FYB1: variants seen among roughly 807,000 people sequenced by gnomAD.
The protein encoded by FYB1 is FYN binding protein 1.
FYB1 carries 41 observed loss-of-function variants against 94.1 expected under a neutral mutation model. That is an observed-to-expected ratio of 0.44 (90% confidence interval 0.34 to 0.57). The LOEUF (loss-of-function observed/expected upper bound fraction) is 0.57, where lower values mean the gene tolerates loss of function less well. FYB1 is among the 20% of genes least tolerant of loss of function. The pLI is 0.02. For synonymous variants in FYB1, 367 were observed against 353.2 expected, an observed-to-expected ratio of 1.04 and a Z score of -0.44; for missense variants, 1,050 against 976.8, an observed-to-expected ratio of 1.07 and a Z score of -1.00.
At chr5:39,132,785 A>AGT (rs1310015546) in intron 9 of FYB1, among the ~76,000 whole-genome samples, 1 of 152,204 alleles carries the variant, frequency 6.6e-6, no homozygotes, top group Non-Finnish European at 1.5e-5. Flanking sequence ...AAATTAAGGG[A>AGT]GTGTGCTTTT....
chr5:39,200,300 C>T (rs1389353376), intron 2 of FYB1, among the ~76,000 whole-genome samples: 1 of 152,196 alleles, frequency 6.6e-6, no homozygotes, highest in East Asian at 1.9e-4. Flanking sequence ...TGGCAACTCA[C>T]TGAAAAGCGT....
At chr5:39,222,883 C>G (rs960287974), upstream of FYB1, among the ~76,000 whole-genome samples, 2 of 151,892 alleles carry the variant, frequency 1.3e-5, no homozygotes, top group Admixed American at 6.6e-5. Flanking sequence ...TTTGATTCTC[C>G]CCTTGTCACT....
intron 1 of FYB1, among the ~76,000 whole-genome samples, chr5:39,239,120 G>C (rs1751096162): frequency 6.6e-6 from 1 of 152,098 alleles, no homozygotes; most frequent in Non-Finnish European, 1.5e-5. Flanking sequence ...ATCCCTTCAT[G>C]TTAAAAACCT....
intron 9 of FYB1, 77 bp from the exon 10 acceptor site, chr5:39,130,689 T>C: frequency 8.9e-7 from 1 of 1,118,096 alleles, no homozygotes; most frequent in Non-Finnish European, 1.3e-6. Flanking sequence ...ATATCCTGAT[T>C]AGTTATTCAA....
intron 9 of FYB1, among the ~76,000 whole-genome samples, chr5:39,130,981 A>G (rs1741152798): frequency 6.6e-6 from 1 of 152,212 alleles, no homozygotes; most frequent in African/African-American, 2.4e-5. Flanking sequence ...CATAAGTCAC[A>G]TAGAGCAATT....
At chr5:39,203,654 G>T (rs148043315) in intron 1 of FYB1, among the ~76,000 whole-genome samples, 1 of 152,136 alleles carries the variant, frequency 6.6e-6, no homozygotes, top group East Asian at 1.9e-4. Flanking sequence ...ACTAGCAGGC[G>T]ATTGTACTCA....
chr5:39,210,845 T>G (rs533848971), intron 1 of FYB1, among the ~76,000 whole-genome samples: 1 of 152,330 alleles, frequency 6.6e-6, no homozygotes, highest in East Asian at 1.9e-4. Flanking sequence ...AGCCTGTCTC[T>G]AGTATAAATA....
At chr5:39,253,419 C>A (rs1426366663) in intron 1 of FYB1, among the ~76,000 whole-genome samples, 2 of 152,106 alleles carry the variant, frequency 1.3e-5, no homozygotes, top group African/African-American at 4.8e-5. Flanking sequence ...AGAGACTGAA[C>A]CTATGACTCA....
In FYB1 at chr5:39,122,358, G is replaced by T; in HGVS notation, c.2116C>A (p.Pro706Thr). The stretch of plus-strand genomic sequence containing the variant: ...TACCTCATCTCTGCTGATGAAACAG[G>T]GAAATCAGAGGTATCCACATCATCG... ...VYDDVDTSDF[P>T]VSSAEMSQGT... The change falls in exon 14 of 19, where the codon CCT (proline) becomes ACT (threonine). Residue 706 changes from proline to threonine, a missense_variant. Pro to Thr is a conservative substitution (Grantham distance 38). Coordinates refer to ENST00000512982, the MANE Select transcript of FYB1 (RefSeq NM_001465.6). 6.3e-7 allele frequency: 1 copy of T among 1,577,392 alleles called. No individual in the cohort carries two copies. Among genetic ancestry groups the T allele is most frequent in the East Asian group, 2.3e-5 (1 of 43,970 alleles).
intron 17 of FYB1, among the ~76,000 whole-genome samples, chr5:39,108,838 ATAATAG>A: frequency 6.6e-6 from 1 of 152,114 alleles, no homozygotes; most frequent in African/African-American, 2.4e-5. Context: ...GGCAGCATCC[ATAATAG>A]TAATTTTGGT....
intron 1 of FYB1, among the ~76,000 whole-genome samples, chr5:39,260,565 TAA>T (rs1281384195): frequency 6.6e-6 from 1 of 152,168 alleles, no homozygotes; most frequent in East Asian, 1.9e-4. Context: ...GTGACAATTT[TAA>T]ATACAAGGAA....
chr5:39,162,805 A>C (rs1300087161), intron 2 of FYB1, among the ~76,000 whole-genome samples: 3 of 152,110 alleles, frequency 2.0e-5, no homozygotes, highest in African/African-American at 7.2e-5. Context: ...TGGTCTTAAT[A>C]ATCCTGATAG....
chr5:39,208,778 G>A (rs2150517222), intron 1 of FYB1: 1 of 152,220 alleles, frequency 6.6e-6, no homozygotes, highest in East Asian at 1.9e-4. Flanking sequence ...CTCAAACTTA[G>A]GACCTGCTCT....
chr5:39,271,621 A>T (rs1752666291), intron 1 of FYB1, among the ~76,000 whole-genome samples: 1 of 152,186 alleles, frequency 6.6e-6, no homozygotes, highest in Non-Finnish European at 1.5e-5. Flanking sequence ...TCCTTTTTCA[A>T]AAAAGATGTT....
rs866013407 is a variant in FYB1 at position 39,119,582 on chromosome 5, G to A, written c.2191C>T (p.Leu731=). 7.8e-6 allele frequency: 12 copies of A among 1,547,972 alleles called. No homozygotes were observed. Among genetic ancestry groups the A allele is most frequent in the Non-Finnish European group, 1.0e-5 (12 of 1,145,300 alleles). The change falls in exon 15 of 19, where the codon CTA becomes TTA. Residue 731 remains leucine (L), a synonymous_variant. Coordinates refer to ENST00000512982, the MANE Select transcript of FYB1 (RefSeq NM_001465.6). ...AKTEEKDLKK[L]KKQEKEEKDF... ...TTTTCTTCTTTTTCCTGCTTTTTTAGCTTCTTAAGGTCCTTTTCTTCTGTC... is the reference window on the plus strand; with the variant it reads ...TTTTCTTCTTTTTCCTGCTTTTTTAACTTCTTAAGGTCCTTTTCTTCTGTC...
At chr5:39,156,415 G>T (rs947621632) in intron 2 of FYB1, among the ~76,000 whole-genome samples, 2 of 152,182 alleles carry the variant, frequency 1.3e-5, no homozygotes, top group Non-Finnish European at 2.9e-5. Context: ...AGTAGGGCTC[G>T]CCTGAGAGTG....
intron 16 of FYB1, among the ~76,000 whole-genome samples, chr5:39,114,059 TA>T (rs955009569): frequency 1.4e-4 from 21 of 151,194 alleles, no homozygotes; most frequent in African/African-American, 4.1e-4. Context: ...TTATGTAAGT[TA>T]AAAAAAAATG....
chr5:39,169,689 AC>A (rs1416651489), intron 2 of FYB1: 3 of 443,972 alleles, frequency 6.8e-6, no homozygotes, highest in African/African-American at 6.1e-5. Context: ...TATTGAAAGT[AC>A]AAAAATTAGC....
intron 2 of FYB1, chr5:39,170,294 G>T (rs952742578): frequency 7.2e-7 from 1 of 1,394,308 alleles, no homozygotes; most frequent in Admixed American, 2.4e-5. Context: ...CAGTTTAAAA[G>T]ATCTTCTGTC....
Sources: gnomAD v4.1 joint callset for allele counts (sites outside exome capture counted in the v4.1 genomes callset) on GRCh38, gnomAD v4.1.1 for gene constraint, MANE v1.5 for transcripts, NCBI Gene and HGNC (gene_info 2026-07-23, HGNC 2026-07-21) for gene names.